TG: variants seen among roughly 807,000 people sequenced by gnomAD.
The protein encoded by TG is thyroid hormones.
In TG, 270 loss-of-function variants were observed where a neutral mutation model predicts 324.7. The ratio of observed to expected loss-of-function variants is 0.83; its 90% CI spans 0.75 to 0.92. The LOEUF is 0.92. Among genes scored for constraint, TG ranks in the 40% least tolerant of loss-of-function variants. The pLI, the probability that TG is intolerant of heterozygous loss-of-function variation, is 0.00. For synonymous variants in TG, 1,401 were observed against 1,327.0 expected, an observed-to-expected ratio of 1.06 and a Z score of -1.21; for missense variants, 3,591 against 3,456.4, an observed-to-expected ratio of 1.04 and a Z score of -0.98.
rs760924981 is a variant in TG at position 132,887,255 on chromosome 8, A to G, written c.1883A>G (p.Asp628Gly). The stretch of plus-strand genomic sequence containing the variant: ...TGCACGACAGAAGGAAGCTATGAGG[A>G]TGTCCAATGCTTTTCCGGAGAGTGC... ...PSCTTEGSYE[D>G]VQCFSGECWC... Residue 628 changes from aspartate (D) to glycine (G), a missense_variant, in exon 9 of 48, where the codon GAT becomes GGT. By Grantham distance (94) the Asp-to-Gly change is moderately conservative. Transcript: ENST00000220616. 6.2e-7 allele frequency: 1 copy of G among 1,603,618 alleles called. No individual in the cohort carries two copies. The highest frequency in any genetic ancestry group is 1.3e-5 in the African/African-American group (1 of 74,728).
At chr8:132,920,008 A>G (rs1164433690) in intron 21 of TG, among the ~76,000 whole-genome samples, 1 of 152,236 alleles carries the variant, frequency 6.6e-6, no homozygotes, top group Non-Finnish European at 1.5e-5. Flanking sequence ...TGGATGATGT[A>G]ACTGGTCTTT....
chr8:133,041,514 T>A (rs1158681149), intron 41 of TG, among the ~76,000 whole-genome samples: 1 of 152,102 alleles, frequency 6.6e-6, no homozygotes, highest in East Asian at 1.9e-4. Flanking sequence ...AATAATGACC[T>A]GTCATGGGTT....
At position 132,882,401 on chromosome 8, in the gene TG, T is replaced by C. The variant is rs1294456286; in HGVS notation, c.746-68T>C. 3.2e-6 allele frequency: 5 copies of C among 1,578,878 alleles called. No homozygotes were observed. The Admixed American group carries it at 8.3e-5, about 26-fold the overall frequency. ...AAGGCTGTCTCTCTCAGTATCTGTT[T>C]GCACAACAAGGTCAGGGCTTCCTTT... On this transcript the variant is annotated intron_variant, in intron 6 of 47. Transcript: ENST00000220616.
rs887073891 is a variant in TG, at chr8:132,972,334, G to C, written c.6056-264G>C. The C allele has an allele frequency of 7.3e-6, 4 of 546,592 alleles. No individual in the cohort carries two copies. The African/African-American group carries it at 7.6e-5, about 10-fold the overall frequency. The allele number at this position is 546,592 out of a possible 1,614,324, so 33.9% of individuals were successfully genotyped here. On this transcript the variant is annotated intron_variant, in intron 33 of 47. Transcript: ENST00000220616. ...TAAGGTTATGTGAGGACCAAGTGAAGTGATACCAACAGAGACCTAGCACAG... is the reference window on the plus strand; with the variant it reads ...TAAGGTTATGTGAGGACCAAGTGAACTGATACCAACAGAGACCTAGCACAG...
At chr8:132,977,182 G>A (rs1169223084) in intron 34 of TG, among the ~76,000 whole-genome samples, 4 of 152,116 alleles carry the variant, frequency 2.6e-5, no homozygotes, top group Non-Finnish European at 5.9e-5. Flanking sequence ...TCTTAGCTTT[G>A]TATTAGGTAA....
intron 35 of TG, among the ~76,000 whole-genome samples, chr8:132,987,721 G>GT (rs113788102): frequency 6.7e-5 from 10 of 149,768 alleles, no homozygotes; most frequent in Non-Finnish European, 7.4e-5. Context: ...GTGTGTGTGT[G>GT]GTGTGTGTGT....
At chr8:132,908,385 A>G (rs766178851) in intron 18 of TG, 45 bp downstream of exon 18, 2 of 1,508,696 alleles carry the variant, frequency 1.3e-6, no homozygotes, top group Non-Finnish European at 1.8e-6. Context: ...GACTCAACTC[A>G]GGGTTACGGT....
In TG at chr8:132,933,754, C is replaced by T. The variant is rs551533669; in HGVS notation, c.4932+78C>T. On this transcript the variant is annotated intron_variant, in intron 24 of 47. Coordinates refer to ENST00000220616, the MANE Select transcript of TG (RefSeq NM_003235.5). Reference sequence around the variant, plus strand: ...TGTGCTCTGAGGAGCGGGCAGCAGGCTGGCCAGGCGATGGAATGAGGTTGT... The same window carrying T: ...TGTGCTCTGAGGAGCGGGCAGCAGGTTGGCCAGGCGATGGAATGAGGTTGT... 5.2e-6 allele frequency: 7 copies of T among 1,335,714 alleles called. No individual in the cohort carries two copies. The East Asian group carries it at 9.2e-5, about 18-fold the overall frequency. 82.7% of individuals were successfully genotyped at this position (1,335,714 alleles called of 1,614,324 possible).
intron 41 of TG, among the ~76,000 whole-genome samples, chr8:133,094,206 C>A (rs1419711779): frequency 1.3e-5 from 2 of 151,936 alleles, no homozygotes; most frequent in African/African-American, 4.8e-5. Context: ...CAGCTCCTAC[C>A]ACTTTCATTA....
At position 132,995,951 on chromosome 8, in the gene TG, C is replaced by T. The variant is rs187664510; in HGVS notation, c.6262+12539C>T. On this transcript the variant is annotated intron_variant, in intron 35 of 47. Coordinates refer to ENST00000220616, the MANE Select transcript of TG (RefSeq NM_003235.5). Reference sequence around the variant, plus strand: ...TGAACAGATGCTGGGCCATTACAGACGTCTTTGGAAACTTCTGCCTGCAAT... The same window carrying T: ...TGAACAGATGCTGGGCCATTACAGATGTCTTTGGAAACTTCTGCCTGCAAT... Among the ~76,000 whole-genome samples, 6 of 152,268 alleles carry T rather than the reference C, an allele frequency of 3.9e-5. No homozygotes were observed. The East Asian group carries it at 5.8e-4, about 15-fold the overall frequency.
At chr8:133,086,525 T>G (rs930299620) in intron 41 of TG, among the ~76,000 whole-genome samples, 2 of 152,230 alleles carry the variant, frequency 1.3e-5, no homozygotes, top group Admixed American at 1.3e-4. Flanking sequence ...ACAACTCATT[T>G]AATACATTTT....
chr8:133,024,190 C>G (rs1456915444), intron 40 of TG, among the ~76,000 whole-genome samples: 1 of 152,216 alleles, frequency 6.6e-6, no homozygotes, highest in East Asian at 1.9e-4. Flanking sequence ...GGTGGAACAA[C>G]AAGAAATACT....
chr8:133,114,545 T>C (rs1170412632), intron 44 of TG, among the ~76,000 whole-genome samples: 6 of 152,212 alleles, frequency 3.9e-5, no homozygotes, highest in African/African-American at 1.2e-4. Context: ...AGTCCTTTCT[T>C]CCTTCTGAGC....
At chr8:132,909,480 G>C (rs189286862) in intron 18 of TG, among the ~76,000 whole-genome samples, 160 of 152,290 alleles carry the variant, frequency 1.1e-3, no homozygotes, top group Middle Eastern at 0.01. Flanking sequence ...ACAGAGATAG[G>C]GTCAGGAGGA....
intron 41 of TG, among the ~76,000 whole-genome samples, chr8:133,040,664 T>C (rs1838049542): frequency 6.9e-6 from 1 of 145,424 alleles, no homozygotes; most frequent in Admixed American, 6.8e-5. Context: ...AAAGAAACAA[T>C]GAAAGAAGGA....
At chr8:133,012,872 A>G (rs1460982392) in intron 36 of TG, among the ~76,000 whole-genome samples, 1 of 152,222 alleles carries the variant, frequency 6.6e-6, no homozygotes, top group East Asian at 1.9e-4. Context: ...CTTTTTCAGA[A>G]CTGTTCTTAG....
intron 41 of TG, chr8:133,073,255 G>C (rs1445171736): frequency 6.6e-6 from 1 of 152,030 alleles, no homozygotes; most frequent in African/African-American, 2.4e-5. Context: ...TTGTAGATCT[G>C]TTTAAGATGA....
intron 10 of TG, among the ~76,000 whole-genome samples, chr8:132,890,458 T>C (rs1378699962): frequency 6.6e-6 from 1 of 152,138 alleles, no homozygotes; most frequent in African/African-American, 2.4e-5. Flanking sequence ...GGGAACTCAT[T>C]AAAGATTCAG....
intron 26 of TG, among the ~76,000 whole-genome samples, chr8:132,942,158 T>C (rs531347995): frequency 1.3e-5 from 2 of 152,252 alleles, no homozygotes; most frequent in Non-Finnish European, 2.9e-5. Flanking sequence ...TTTGGTGTTA[T>C]GGACCTGGGT....
Sources: gnomAD v4.1 joint callset for allele counts (sites outside exome capture counted in the v4.1 genomes callset) on GRCh38, gnomAD v4.1.1 for gene constraint, MANE v1.5 for transcripts, NCBI Gene and HGNC (gene_info 2026-07-23, HGNC 2026-07-21) for gene names.